The following XKR4 variants were observed in gnomAD, a reference collection of about 807,000 sequenced individuals.
The protein encoded by XKR4 is XK related 4.
A neutral mutation model predicts 53.9 loss-of-function variants in XKR4; 12 were observed. The observed-to-expected ratio is 0.22, with a 90% confidence interval of 0.14 to 0.36. The LOEUF (loss-of-function observed/expected upper bound fraction) is 0.36, where lower values mean the gene tolerates loss of function less well. Among genes scored for constraint, XKR4 ranks in the 10% least tolerant of loss-of-function variants. XKR4 has a pLI of 1.00. For synonymous variants in XKR4, 354 were observed against 362.4 expected (o/e 0.98, Z 0.26); for missense variants, 799 against 859.5 (o/e 0.93, Z 0.88).
At chr8:55,236,858 T>A (rs1380914523) in intron 1 of XKR4, among the ~76,000 whole-genome samples, 1 of 152,220 alleles carries the variant, frequency 6.6e-6, no homozygotes, top group Non-Finnish European at 1.5e-5. Context: ...CCAAGCCACT[T>A]TGACCCACCT....
intron 1 of XKR4, among the ~76,000 whole-genome samples, chr8:55,291,951 T>C (rs187829618): frequency 2.0e-5 from 3 of 152,290 alleles, no homozygotes; most frequent in African/African-American, 7.2e-5. Flanking sequence ...GATCATGTGA[T>C]TCTTCCTTCA....
intron 2 of XKR4, among the ~76,000 whole-genome samples, chr8:55,410,874 A>T (rs2622537): frequency 6.6e-6 from 1 of 151,862 alleles, no homozygotes; most frequent in Non-Finnish European, 1.5e-5. Context: ...CTGTTCCCCA[A>T]CCTGGGCTCC....
intron 1 of XKR4, among the ~76,000 whole-genome samples, chr8:55,213,827 A>G (rs1817761656): frequency 1.5e-5 from 2 of 137,410 alleles, no homozygotes; most frequent in Admixed American, 1.4e-4. Context: ...ATAACAGTTT[A>G]CTATTAATAC....
In XKR4 at chr8:55,529,071, A is replaced by G. The variant is rs1282496155; in HGVS notation, c.*4844A>G. The G allele has an allele frequency of 6.6e-6, 1 of 150,392 alleles. No homozygotes were observed. Among genetic ancestry groups the G allele is most frequent in the African/African-American group, 2.5e-5 (1 of 40,700 alleles). 9.3% of individuals were successfully genotyped at this position (150,392 alleles called of 1,614,324 possible). On this transcript the variant is annotated 3_prime_UTR_variant, in exon 3 of 3. Coordinates refer to ENST00000327381, the MANE Select transcript of XKR4 (RefSeq NM_052898.2). ...GCAAGACTCTCAATCTACAGCCTCG[A>G]CAGTATCATTACTCATTCTAAAGTA...
chr8:55,286,569 AGAGGGAGCGCC>A, intron 1 of XKR4, among the ~76,000 whole-genome samples: 2 of 152,118 alleles, frequency 1.3e-5, no homozygotes, highest in Non-Finnish European at 2.9e-5. Flanking sequence ...GCGTCCCTGG[AGAGGGAGCGCC>A]CTCCAGCAGC....
intron 1 of XKR4, among the ~76,000 whole-genome samples, chr8:55,181,966 AG>A (rs1307253464): frequency 1.2e-4 from 19 of 152,268 alleles, no homozygotes; most frequent in African/African-American, 4.1e-4. Flanking sequence ...AGCATCTAAA[AG>A]TTATGATCTC....
At chr8:55,396,210 C>A (rs1356262600) in intron 2 of XKR4, among the ~76,000 whole-genome samples, 1 of 152,136 alleles carries the variant, frequency 6.6e-6, no homozygotes, top group Non-Finnish European at 1.5e-5. Context: ...CATTTTTACA[C>A]GACTCAATCT....
At chr8:55,170,512 C>G (rs950793319) in intron 1 of XKR4, among the ~76,000 whole-genome samples, 1 of 152,100 alleles carries the variant, frequency 6.6e-6, no homozygotes, top group African/African-American at 2.4e-5. Flanking sequence ...AACATAGACC[C>G]GCTGCTTGAT....
intron 1 of XKR4, among the ~76,000 whole-genome samples, chr8:55,215,177 T>C (rs2129364351): frequency 6.6e-6 from 1 of 152,270 alleles, no homozygotes; most frequent in South Asian, 2.1e-4. Context: ...TCATAACTCG[T>C]CATTCATCCC....
At chr8:55,169,363 G>A (rs564897484) in intron 1 of XKR4, among the ~76,000 whole-genome samples, 1 of 152,334 alleles carries the variant, frequency 6.6e-6, no homozygotes, top group South Asian at 2.1e-4. Flanking sequence ...TGGCAGTAAT[G>A]CCCATCCGTG....
intron 1 of XKR4, among the ~76,000 whole-genome samples, chr8:55,168,482 C>G (rs1372241218): frequency 6.6e-6 from 1 of 152,160 alleles, no homozygotes. Flanking sequence ...CTTCTGTGCA[C>G]TTTTCTCTGT....
In XKR4 at chr8:55,479,463, G is replaced by A. The variant is rs547703892; in HGVS notation, c.1007-43818G>A. Among the ~76,000 whole-genome samples, 83 of 152,070 alleles carry A rather than the reference G, an allele frequency of 5.5e-4. 1 individual carries two copies. The highest frequency in any genetic ancestry group is 1.9e-3 in the African/African-American group (80 of 41,424). On this transcript the variant is annotated intron_variant, in intron 2 of 2. Transcript: ENST00000327381. ...CAGAAAGCAGGAAAGATCCAAAATT[G>A]ACACCCTAACATCAAAATTAAAAGA...
intron 1 of XKR4, among the ~76,000 whole-genome samples, chr8:55,268,894 A>G (rs1397437731): frequency 1.4e-4 from 21 of 152,198 alleles, no homozygotes; most frequent in East Asian, 7.7e-4. Context: ...CCCTACATCT[A>G]TATGTTCTAA....
In XKR4 at chr8:55,524,514, T is replaced by TGC. The variant is rs1806854524; in HGVS notation, c.*287_*288insGC. On this transcript the variant is annotated 3_prime_UTR_variant, in exon 3 of 3. Transcript: ENST00000327381. ...GGTCTTGGGTGCACCCACCAGAGGG[T>TGC]ACTACTATTATGGAAAAATTTTGCC... 2 of 400,076 alleles carry TGC rather than the reference T, an allele frequency of 5.0e-6. No homozygotes were observed. Among genetic ancestry groups the TGC allele is most frequent in the African/African-American group, 4.0e-5 (2 of 50,134 alleles). 24.8% of individuals were successfully genotyped at this position (400,076 alleles called of 1,614,324 possible).
rs1807103071 is a variant in XKR4 at position 55,541,701 on chromosome 8, T to C, written c.*17474T>C. ...TTTGTAAACATTGTACAAATGTATTTGGAATTTTATTTGAAATGGAGACTT... is the reference window on the plus strand; with the variant it reads ...TTTGTAAACATTGTACAAATGTATTCGGAATTTTATTTGAAATGGAGACTT... On this transcript the variant is annotated 3_prime_UTR_variant, in exon 3 of 3. Coordinates refer to ENST00000327381, the MANE Select transcript of XKR4 (RefSeq NM_052898.2). 1 of 152,242 alleles carries C rather than the reference T, an allele frequency of 6.6e-6. No individual in the cohort carries two copies. Among genetic ancestry groups the C allele is most frequent in the South Asian group, 2.1e-4 (1 of 4,834 alleles). 9.4% of individuals were successfully genotyped at this position (152,242 alleles called of 1,614,324 possible).
In XKR4 at chr8:55,540,920, G is replaced by T. The variant is rs777162253; in HGVS notation, c.*16693G>T. On this transcript the variant is annotated 3_prime_UTR_variant, in exon 3 of 3. Coordinates refer to ENST00000327381, the MANE Select transcript of XKR4 (RefSeq NM_052898.2). ...GTCTGTACTAACATCCTACCAAGCA[G>T]ATTGGAAACAAATACTACTACCACT... is the stretch of plus-strand genomic sequence containing the variant. The T allele has an allele frequency of 6.6e-6, 1 of 152,134 alleles. No homozygotes were observed. Among genetic ancestry groups the T allele is most frequent in the African/African-American group, 2.4e-5 (1 of 41,440 alleles). 9.4% of individuals were successfully genotyped at this position (152,134 alleles called of 1,614,324 possible).
At chr8:55,337,374 C>T (rs574821495) in intron 1 of XKR4, among the ~76,000 whole-genome samples, 2 of 152,230 alleles carry the variant, frequency 1.3e-5, no homozygotes, top group African/African-American at 4.8e-5. Flanking sequence ...TCCTCCTTTC[C>T]ACCTTAAGAG....
intron 2 of XKR4, among the ~76,000 whole-genome samples, chr8:55,504,940 CT>C (rs1051703235): frequency 4.6e-5 from 7 of 151,138 alleles, no homozygotes; most frequent in Non-Finnish European, 8.9e-5. Context: ...AATTGAGGTT[CT>C]TTTTTTTTCT....
intron 1 of XKR4, among the ~76,000 whole-genome samples, chr8:55,264,614 G>A (rs758898797): frequency 6.6e-6 from 1 of 152,178 alleles, no homozygotes; most frequent in Non-Finnish European, 1.5e-5. Context: ...GAATTTCCAT[G>A]AGGTTTGTAA....
Sources: allele counts gnomAD v4.1 joint callset (sites outside exome capture counted in the v4.1 genomes callset), GRCh38; gene constraint gnomAD v4.1.1; transcripts MANE v1.5; gene names NCBI Gene and HGNC (gene_info 2026-07-23, HGNC 2026-07-21).